DLGAP1: variants seen among roughly 807,000 people sequenced by gnomAD.
The protein encoded by DLGAP1 is DLG associated protein 1, also known as disks large-associated protein 1.
In DLGAP1, 11 loss-of-function variants were observed where a neutral mutation model predicts 90.8. The observed-to-expected ratio is 0.12, with a 90% CI of 0.08 to 0.20. The LOEUF (loss-of-function observed/expected upper bound fraction) is 0.20. DLGAP1 is among the 10% of genes least tolerant of loss of function. The pLI is 1.00. For missense variants in DLGAP1, 1,050 were observed against 1,333.8 expected (o/e 0.79, Z 3.31); for synonymous variants, 558 against 540.7 (o/e 1.03, Z -0.44).
intron 3 of DLGAP1, among the ~76,000 whole-genome samples, chr18:3,958,908 T>C (rs1378463123): frequency 6.6e-6 from 1 of 152,226 alleles, no homozygotes; most frequent in African/African-American, 2.4e-5. Flanking sequence ...GCCTGTAATA[T>C]CTCAAGGAAG....
chr18:4,098,522 A>G (rs2075722310), intron 2 of DLGAP1, among the ~76,000 whole-genome samples: 1 of 152,036 alleles, frequency 6.6e-6, no homozygotes, highest in Non-Finnish European at 1.5e-5. Flanking sequence ...GTTAGGTAAA[A>G]GGAAAGGAGA....
At chr18:4,152,087 G>A (rs2076683942) in intron 1 of DLGAP1, among the ~76,000 whole-genome samples, 1 of 152,194 alleles carries the variant, frequency 6.6e-6, no homozygotes, top group Admixed American at 6.5e-5. Flanking sequence ...CATGCTATAT[G>A]GCTGAGCTAT....
Position 4,454,718 on chromosome 18 carries a change from T to A in DLGAP1, c.-267+288A>T, listed in dbSNP as rs1434736789. ...GGGACCCTGTCGCAATTAGAAATCC[T>A]TCCCCTGCCTGGGTCCCCGTGGGGA... On this transcript the variant is annotated intron_variant, in intron 1 of 12. Coordinates refer to ENST00000315677, the MANE Select transcript of DLGAP1 (RefSeq NM_004746.4). This position sits in a 1 kb window ranked among gnomAD's most constrained non-coding sequence, Gnocchi z 4.7. Among the ~76,000 whole-genome samples the A allele has an allele frequency of 2.0e-5, 3 of 151,816 alleles. No homozygotes were observed. The highest frequency in any genetic ancestry group is 4.4e-5 in the Non-Finnish European group (3 of 67,912).
intron 1 of DLGAP1, among the ~76,000 whole-genome samples, chr18:4,185,817 G>A (rs1233676821): frequency 1.3e-5 from 2 of 152,110 alleles, no homozygotes; most frequent in African/African-American, 4.8e-5. Context: ...GGGATTGCTG[G>A]AACAAATGGT....
rs74849507 is a variant in DLGAP1 at position 4,429,703 on chromosome 18, G to T, written c.-267+25303C>A. 1.5e-3 allele frequency among the ~76,000 whole-genome samples: 223 copies of T among 152,088 alleles called. 1 individual carries two copies. The highest frequency in any genetic ancestry group is 5.3e-3 in the African/African-American group (220 of 41,490). On this transcript the variant is annotated intron_variant, in intron 1 of 12. Coordinates refer to ENST00000315677, the MANE Select transcript of DLGAP1 (RefSeq NM_004746.4). ...GTAAAGCTGGCACTTTGCATAGCCT[G>T]GCCTCTTGCACGTATTTATCATGAA...
intron 8 of DLGAP1, chr18:3,580,452 G>C (rs2055424094): frequency 3.1e-6 from 5 of 1,612,228 alleles, no homozygotes; most frequent in Admixed American, 1.7e-5. Flanking sequence ...ACCTCTGCCA[G>C]CTCCCTCAGC....
At chr18:3,603,332 A>G (rs1231790515) in intron 7 of DLGAP1, 1 of 152,184 alleles carries the variant, frequency 6.6e-6, no homozygotes, top group African/African-American at 2.4e-5. Flanking sequence ...ACAAAAAAAA[A>G]GGCGGAGGGA....
At chr18:4,052,926 GA>G (rs1192684300) in intron 2 of DLGAP1, among the ~76,000 whole-genome samples, 3 of 152,232 alleles carry the variant, frequency 2.0e-5, no homozygotes, top group South Asian at 2.1e-4. Context: ...ATCTCCATCT[GA>G]GACCACCTCA....
At chr18:4,416,925 T>C (rs528114389) in intron 1 of DLGAP1, among the ~76,000 whole-genome samples, 1 of 152,300 alleles carries the variant, frequency 6.6e-6, no homozygotes, top group East Asian at 1.9e-4. Flanking sequence ...AAAACTAAAC[T>C]GAACTTTCTG....
chr18:3,808,905 C>A (rs2066694190), intron 5 of DLGAP1, among the ~76,000 whole-genome samples: 2 of 152,136 alleles, frequency 1.3e-5, no homozygotes, highest in Non-Finnish European at 2.9e-5. Flanking sequence ...TTTAAAATAT[C>A]CAGAATTAAA....
chr18:3,519,092 C>T (rs1380435191), intron 10 of DLGAP1, among the ~76,000 whole-genome samples: 1 of 152,180 alleles, frequency 6.6e-6, no homozygotes, highest in African/African-American at 2.4e-5. Context: ...CAGTGGCCAA[C>T]TGGCTGCTGG....
chr18:3,631,823 C>T (rs550051293), intron 7 of DLGAP1, among the ~76,000 whole-genome samples: 3 of 152,286 alleles, frequency 2.0e-5, no homozygotes, highest in Admixed American at 1.3e-4. Flanking sequence ...GACGAGGTCT[C>T]GCTCTGTGGA....
chr18:3,923,504 C>T (rs1181474349), intron 3 of DLGAP1, among the ~76,000 whole-genome samples: 1 of 152,050 alleles, frequency 6.6e-6, no homozygotes, highest in Non-Finnish European at 1.5e-5. Flanking sequence ...TCAAGTTTTA[C>T]AGATATTTTT....
At chr18:4,197,961 CCT>C (rs1057118569) in intron 1 of DLGAP1, among the ~76,000 whole-genome samples, 10 of 152,152 alleles carry the variant, frequency 6.6e-5, no homozygotes, top group Admixed American at 6.5e-4. Context: ...GTGGCTCACG[CCT>C]GTAATCCCAG....
chr18:4,150,399 CT>C (rs1011745010), intron 2 of DLGAP1, among the ~76,000 whole-genome samples: 1 of 151,330 alleles, frequency 6.6e-6, no homozygotes, highest in East Asian at 1.9e-4. Context: ...GTTTTCTTTT[CT>C]TTTTTTTTGA....
chr18:3,668,656 T>C (rs1273907578), intron 7 of DLGAP1, among the ~76,000 whole-genome samples: 1 of 152,138 alleles, frequency 6.6e-6, no homozygotes, highest in African/African-American at 2.4e-5. Flanking sequence ...TGTGCCAAGC[T>C]ATCCTCAGTC....
intron 2 of DLGAP1, among the ~76,000 whole-genome samples, chr18:4,082,790 A>C (rs889691847): frequency 2.6e-4 from 27 of 105,516 alleles, no homozygotes; most frequent in African/African-American, 9.0e-4. Context: ...AGAACAAGAA[A>C]GATTCCAGTT....
At chr18:4,426,777 TA>T (rs1306407482) in intron 1 of DLGAP1, among the ~76,000 whole-genome samples, 2 of 152,328 alleles carry the variant, frequency 1.3e-5, no homozygotes, top group Admixed American at 6.5e-5. Flanking sequence ...TTTCCTCTTA[TA>T]AATGAATTAT....
chr18:3,560,418 CAAAAAA>C, intron 9 of DLGAP1, among the ~76,000 whole-genome samples: 1 of 60,272 alleles, frequency 1.7e-5, no homozygotes, highest in Admixed American at 1.9e-4. Flanking sequence ...GACTCCGTCT[CAAAAAA>C]AAAAAAAAAA....
Sources: allele counts gnomAD v4.1 joint callset (sites outside exome capture counted in the v4.1 genomes callset), GRCh38; gene constraint gnomAD v4.1.1; non-coding constraint Gnocchi (gnomAD v3.1); transcripts MANE v1.5; gene names NCBI Gene and HGNC (gene_info 2026-07-23, HGNC 2026-07-21).